ERC2: variants seen among roughly 807,000 people sequenced by gnomAD.
ERC2 encodes ELKS/RAB6-interacting/CAST family member 2.
In ERC2, 42 loss-of-function variants were observed where a neutral mutation model predicts 114.8. That is an observed-to-expected ratio of 0.37 (90% CI 0.29 to 0.47). ERC2 has a LOEUF of 0.47. Among genes scored for constraint, ERC2 ranks in the 20% least tolerant of loss-of-function variants. The probability of loss-of-function intolerance (pLI) is 0.99; values close to 1 mark genes in which losing one functional copy is unlikely to be tolerated. For missense variants in ERC2, 939 were observed against 1,150.7 expected (o/e 0.82, Z 2.66); for synonymous variants, 454 against 425.5 (o/e 1.07, Z -0.82).
chr3:56,110,150 G>A (rs184076865), intron 6 of ERC2, among the ~76,000 whole-genome samples: 124 of 152,274 alleles, frequency 8.1e-4, no homozygotes, highest in Middle Eastern at 6.8e-3. Flanking sequence ...GCAGGATAGT[G>A]TTATGCTGAA....
At chr3:56,283,826 C>T (rs1369514970) in intron 3 of ERC2, among the ~76,000 whole-genome samples, 2 of 152,078 alleles carry the variant, frequency 1.3e-5, no homozygotes, top group Admixed American at 6.6e-5. Flanking sequence ...CACAGATAAA[C>T]CTAAAAGAAA....
intron 2 of ERC2, among the ~76,000 whole-genome samples, chr3:56,336,407 C>T (rs866394351): frequency 6.6e-6 from 1 of 152,160 alleles, no homozygotes; most frequent in Non-Finnish European, 1.5e-5. Context: ...TTCGAGCAGT[C>T]TAAGTCTTTT....
rs568886101 is a variant in ERC2, at chr3:56,208,913, C to T, written c.1075-35393G>A. Among the ~76,000 whole-genome samples the T allele has an allele frequency of 4.6e-5, 7 of 152,274 alleles. No homozygotes were observed. The East Asian group carries it at 1.4e-3, about 29-fold the overall frequency. On this transcript the variant is annotated intron_variant, in intron 3 of 17. Coordinates refer to ENST00000288221, the MANE Select transcript of ERC2 (RefSeq NM_015576.3). Reference sequence around the variant, plus strand: ...GGTCACAGCCTCAGACACCAACTCCCTTAGGAACTCAGGCCCAGAAAATGA... The same window carrying T: ...GGTCACAGCCTCAGACACCAACTCCTTTAGGAACTCAGGCCCAGAAAATGA...
chr3:55,520,739 A>T (rs2052870348), intron 17 of ERC2, among the ~76,000 whole-genome samples: 1 of 152,252 alleles, frequency 6.6e-6, no homozygotes, highest in Non-Finnish European at 1.5e-5. Context: ...CTTCATGATA[A>T]TAAGCCCTGT....
intron 17 of ERC2, among the ~76,000 whole-genome samples, chr3:55,604,589 T>C (rs2058560692): frequency 6.6e-6 from 1 of 151,934 alleles, no homozygotes; most frequent in African/African-American, 2.4e-5. Flanking sequence ...CAGCAACAGA[T>C]GAGGTTGGGA....
At chr3:56,172,517 G>A (rs545866433) in intron 4 of ERC2, among the ~76,000 whole-genome samples, 37 of 152,294 alleles carry the variant, frequency 2.4e-4, no homozygotes, top group African/African-American at 8.2e-4. Flanking sequence ...GGATTGAGAA[G>A]ATGCATTATC....
At chr3:55,551,487 C>A (rs929712134) in intron 17 of ERC2, among the ~76,000 whole-genome samples, 9 of 152,156 alleles carry the variant, frequency 5.9e-5, no homozygotes, top group Non-Finnish European at 8.8e-5. Context: ...GGTGCCACTG[C>A]ACTCCAGCCT....
chr3:55,798,896 TTA>T (rs1391387302), intron 14 of ERC2, among the ~76,000 whole-genome samples: 1 of 143,746 alleles, frequency 7.0e-6, no homozygotes, highest in African/African-American at 2.7e-5. Flanking sequence ...ACCAAGAACA[TTA>T]TTTTTAAAAA....
At chr3:55,878,409 A>C (rs2062966228) in intron 14 of ERC2, among the ~76,000 whole-genome samples, 1 of 151,956 alleles carries the variant, frequency 6.6e-6, no homozygotes, top group Non-Finnish European at 1.5e-5. Flanking sequence ...TCCTCCCACC[A>C]TCTCCCCATC....
chr3:55,721,067 T>C (rs1411837779), intron 15 of ERC2, among the ~76,000 whole-genome samples: 1 of 152,238 alleles, frequency 6.6e-6, no homozygotes, highest in Non-Finnish European at 1.5e-5. Flanking sequence ...CCTTCTTCAC[T>C]GTTGCCTTTG....
intron 14 of ERC2, among the ~76,000 whole-genome samples, chr3:55,833,782 AC>A (rs1322486510): frequency 4.1e-4 from 62 of 152,314 alleles, no homozygotes; most frequent in African/African-American, 1.3e-3. Context: ...ATGTAAATGG[AC>A]AAAATGCTCC....
chr3:55,931,342 G>C (rs556684459), intron 13 of ERC2, among the ~76,000 whole-genome samples: 15 of 152,274 alleles, frequency 9.9e-5, no homozygotes, highest in African/African-American at 3.6e-4. Flanking sequence ...GCAAAGACTT[G>C]GAACCAACCC....
chr3:55,577,580 C>T (rs1261433736), intron 17 of ERC2, among the ~76,000 whole-genome samples: 1 of 152,040 alleles, frequency 6.6e-6, no homozygotes, highest in African/African-American at 2.4e-5. Flanking sequence ...AAGTACAAAC[C>T]AGAGGAATTT....
rs902443224 is a variant in ERC2 at position 55,699,432 on chromosome 3, G to C, written c.2793C>G (p.His931Gln). 6.2e-7 allele frequency: 1 copy of C among 1,613,806 alleles called. No individual in the cohort carries two copies. Among genetic ancestry groups the C allele is most frequent in the East Asian group, 2.2e-5 (1 of 44,866 alleles). Residue 931 changes from histidine to glutamine, a missense_variant, in exon 16 of 18, where the codon CAC (histidine) becomes CAG (glutamine). Around this residue, in one of 5 missense-constraint regions of ERC2, gnomAD observed 328 missense variants for 353.9 expected, o/e 0.93. Transcript: ENST00000288221. ...GTTGCGACCTCCCAGGAGATCGATG[G>C]TGGTGGTGATGGTGGTGGTGGTGGT... ...HHYHHHHHHHHHRSPGRSQHS... is the reference protein window; with the variant it reads ...HHYHHHHHHHQHRSPGRSQHS...
intron 12 of ERC2, among the ~76,000 whole-genome samples, chr3:55,982,694 T>C (rs2070255257): frequency 6.6e-6 from 1 of 152,228 alleles, no homozygotes; most frequent in African/African-American, 2.4e-5. Flanking sequence ...CCTAGCCTAT[T>C]ACACAGTAGG....
chr3:56,111,238 A>G (rs2149829345), intron 6 of ERC2, among the ~76,000 whole-genome samples: 1 of 152,110 alleles, frequency 6.6e-6, no homozygotes, highest in East Asian at 1.9e-4. Context: ...TTAGACAAAA[A>G]CAAGACAAGC....
intron 2 of ERC2, among the ~76,000 whole-genome samples, chr3:56,377,214 A>C (rs1560703881): frequency 6.6e-6 from 1 of 152,212 alleles, no homozygotes; most frequent in East Asian, 1.9e-4. Flanking sequence ...GTGACAAAAA[A>C]TATGCATAGG....
chr3:56,200,807 C>T (rs550315239), intron 3 of ERC2, among the ~76,000 whole-genome samples: 15 of 152,300 alleles, frequency 9.8e-5, no homozygotes, highest in African/African-American at 3.4e-4. Context: ...GAAATTATGT[C>T]GGTAGCTTGA....
chr3:56,122,834 C>A (rs1178084525), intron 6 of ERC2, among the ~76,000 whole-genome samples: 2 of 152,172 alleles, frequency 1.3e-5, no homozygotes, highest in African/African-American at 4.8e-5. Context: ...ACCCTCCTGT[C>A]TCTCCACTTC....
Sources: allele counts gnomAD v4.1 joint callset (sites outside exome capture counted in the v4.1 genomes callset), GRCh38; gene constraint gnomAD v4.1.1; regional missense constraint gnomAD v4.1.1; transcripts MANE v1.5; gene names NCBI Gene and HGNC (gene_info 2026-07-23, HGNC 2026-07-21).